ASPM: variants seen among roughly 807,000 people sequenced by gnomAD.
The protein encoded by ASPM is abnormal spindle-like microcephaly-associated protein.
ASPM carries 256 observed loss-of-function variants against 366.4 expected under a neutral mutation model. The observed-to-expected ratio is 0.70, with a 90% CI of 0.63 to 0.77. ASPM has a LOEUF of 0.77. Ranked by LOEUF, ASPM falls within the 30% of genes least tolerant of loss-of-function variation. The probability of loss-of-function intolerance (pLI) is 0.00; values close to 1 mark genes in which losing one functional copy is unlikely to be tolerated. For synonymous variants in ASPM, 1,414 were observed against 1,342.9 expected, an observed-to-expected ratio of 1.05 and a Z score of -1.16; for missense variants, 4,146 against 4,090.4, an observed-to-expected ratio of 1.01 and a Z score of -0.37.
At chr1:197,105,263 T>C in intron 17 of ASPM, 78 bp from the exon 18 acceptor site, 9 of 1,093,196 alleles carry the variant, frequency 8.2e-6, no homozygotes, top group African/African-American at 1.6e-5. Context: ...TACTAATTTT[T>C]CTAACATTCT....
chr1:197,119,695 A>C (rs1249428264), intron 16 of ASPM, among the ~76,000 whole-genome samples: 3 of 152,054 alleles, frequency 2.0e-5, no homozygotes, highest in Admixed American at 2.0e-4. Flanking sequence ...ATCTTGCCTC[A>C]TATATATAGG....
intron 7 of ASPM, among the ~76,000 whole-genome samples, chr1:197,131,983 T>C (rs1658268970): frequency 6.6e-6 from 1 of 152,214 alleles, no homozygotes; most frequent in Non-Finnish European, 1.5e-5. Context: ...GTTTTGGCAT[T>C]TGTAAATTTG....
In ASPM at chr1:197,104,474, C is replaced by T; in HGVS notation, c.4777G>A (p.Val1593Ile). ...KKTIIKFQAH[V>I]RKHQQRQKYK... is the part of the protein sequence containing the mutation. The stretch of plus-strand genomic sequence containing the variant: ...TTCTGTCGTTGTTGATGTTTTCTTA[C>T]ATGTGCCTGAAATTTGATAATAGTC... The change falls in exon 18 of 28, where the codon GTA (valine) becomes ATA (isoleucine). Residue 1593 changes from valine to isoleucine, a missense_variant. Physicochemically the swap from Val to Ile is conservative, Grantham distance 29 (BLOSUM62 3). Around this residue, in one of 3 missense-constraint regions of ASPM, gnomAD observed 3,624 missense variants for 3,591.7 expected, o/e 1.01. Coordinates refer to ENST00000367409, the MANE Select transcript of ASPM (RefSeq NM_018136.5). The T allele has an allele frequency of 1.2e-6, 2 of 1,612,716 alleles. No individual in the cohort carries two copies. Among genetic ancestry groups the T allele is most frequent in the Non-Finnish European group, 1.7e-6 (2 of 1,179,310 alleles).
rs758608775 is a variant in ASPM at position 197,124,091 on chromosome 1, A to G, written c.3390+19T>C. ...TTATTAAAATATATTGGGTTAAAAC[A>G]AAAAACAAAGAAACTTACCTTTTTA... On this transcript the variant is annotated intron_variant, in intron 13 of 27. Transcript: ENST00000367409. 2 of 1,588,636 alleles carry G rather than the reference A, an allele frequency of 1.3e-6. No homozygotes were observed.
At position 197,129,195 on chromosome 1, in the gene ASPM, C is replaced by T. The variant is rs142655430; in HGVS notation, c.2752G>A (p.Glu918Lys). 4 of 1,612,060 alleles carry T rather than the reference C, an allele frequency of 2.5e-6. No homozygotes were observed. The highest frequency in any genetic ancestry group is 3.4e-6 in the Non-Finnish European group (4 of 1,178,644). Reference sequence around the variant, plus strand: ...TACAATGAAAAGCATACCTTGAATTCGGCATCTTTACAGAAGAGACAAGGA... The same window carrying T: ...TACAATGAAAAGCATACCTTGAATTTGGCATCTTTACAGAAGAGACAAGGA... ...HDPCLFCKDA[E>K]FKASKEILLA... is the part of the protein sequence containing the mutation. Residue 918 changes from glutamate (E) to lysine (K), a missense_variant, in exon 9 of 28, where the codon GAA (glutamate) becomes AAA (lysine). Around this residue, in one of 3 missense-constraint regions of ASPM, gnomAD observed 3,624 missense variants for 3,591.7 expected, o/e 1.01. Transcript: ENST00000367409.
chr1:197,101,808 T>G lies in ASPM; in HGVS notation c.7443A>C (p.Gln2481His), dbSNP rs746554878. The change falls in exon 18 of 28, where the codon CAA becomes CAC. Residue 2481 changes from glutamine (Q) to histidine (H), a missense_variant. This residue lies in a region of ASPM where 3,624 missense variants were observed against 3,591.7 expected (regional missense o/e 1.01). Transcript: ENST00000367409. ...LMVKKKLQEMQRAAVLIQATF... is the reference protein window; with the variant it reads ...LMVKKKLQEMHRAAVLIQATF... Reference sequence around the variant, plus strand: ...TAGCCTGAATGAGAACTGCAGCCCTTTGCATTTCTTGTAACTTCTTCTTTA... The same window carrying G: ...TAGCCTGAATGAGAACTGCAGCCCTGTGCATTTCTTGTAACTTCTTCTTTA... 2 of 1,612,848 alleles carry G rather than the reference T, an allele frequency of 1.2e-6. No homozygotes were observed. The highest frequency in any genetic ancestry group is 1.7e-6 in the Non-Finnish European group (2 of 1,179,318).
rs1455043063 is a variant in ASPM at position 197,101,352 on chromosome 1, C to T, written c.7899G>A (p.Lys2633=). 4 of 1,610,554 alleles carry T rather than the reference C, an allele frequency of 2.5e-6. No individual in the cohort carries two copies. The East Asian group carries it at 6.7e-5, about 27-fold the overall frequency. Reference sequence around the variant, plus strand: ...TCCTTATTTTAAAGGCTTTACAATGCTTCTGAATAATAATGGCAGCCTGGT... The same window carrying T: ...TCCTTATTTTAAAGGCTTTACAATGTTTCTGAATAATAATGGCAGCCTGGT... ...EQHQAAIIIQ[K]HCKAFKIRKH... The change falls in exon 18 of 28, where the codon AAG becomes AAA. Residue 2633 remains lysine (K), a synonymous_variant. Coordinates refer to ENST00000367409, the MANE Select transcript of ASPM (RefSeq NM_018136.5).
At position 197,142,510 on chromosome 1, in the gene ASPM, A is replaced by G. The variant is rs757587073; in HGVS notation, c.1742T>C (p.Met581Thr). ...TGCAACTCTCACATTTGCATCTTCC[A>G]TGCTTCCATCGCTCTTTCTTTTCCG... ...VARKRKSDGS[M>T]EDANVRVAIT... Residue 581 changes from methionine to threonine, a missense_variant, in exon 3 of 28, where the codon ATG (methionine) becomes ACG (threonine). Transcript: ENST00000367409. The G allele has an allele frequency of 2.2e-5, 35 of 1,613,926 alleles. No homozygotes were observed. The South Asian group carries it at 3.1e-4, about 14-fold the overall frequency.
At chr1:197,086,471 G>A (rs944634625) in intron 27 of ASPM, among the ~76,000 whole-genome samples, 2 of 152,032 alleles carry the variant, frequency 1.3e-5, no homozygotes, top group Non-Finnish European at 2.9e-5. Flanking sequence ...AGGACTTTTG[G>A]CACTTCTTAA....
chr1:197,094,128 T>C lies in ASPM; in HGVS notation c.9040A>G (p.Ile3014Val). ...AIIIQRKWRA[I>V]LPAKIAHEHF... ...TCATGAGCTATCTTTGCAGGAAGTA[T>C]AGCTCTCCATTTTCTCTGAATGATA... is the stretch of plus-strand genomic sequence containing the variant. Residue 3014 changes from isoleucine (I) to valine (V), a missense_variant, in exon 20 of 28, where the codon ATA (isoleucine) becomes GTA (valine). Transcript: ENST00000367409. The C allele has an allele frequency of 6.2e-7, 1 of 1,607,842 alleles. No homozygotes were observed.
chr1:197,122,669 T>C (rs1255932609), intron 13 of ASPM, 74 bp from the exon 14 acceptor site: 2 of 1,366,488 alleles, frequency 1.5e-6, no homozygotes, highest in Non-Finnish European at 2.0e-6. Context: ...GCAGAATACC[T>C]GTGAATAATA....
chr1:197,146,299 A>G lies in ASPM; in HGVS notation c.139T>C (p.Ser47Pro). 1 of 1,613,968 alleles carries G rather than the reference A, an allele frequency of 6.2e-7. No individual in the cohort carries two copies. Among genetic ancestry groups the G allele is most frequent in the South Asian group, 1.1e-5 (1 of 91,072 alleles). ...ACGTCCCCGAAGCAAAGGAAAGGAG[A>G]CCTGCAGAAGTGGCTGAGAGACAGG... Reference protein sequence around the residue: ...PVLSLSHFCRSPFLCFGDVLL... With the variant: ...PVLSLSHFCRPPFLCFGDVLL... Residue 47 changes from serine (S) to proline (P), a missense_variant, in exon 1 of 28, where the codon TCT (serine) becomes CCT (proline). Physicochemically the swap from Ser to Pro is moderately conservative, Grantham distance 74. Coordinates refer to ENST00000367409, the MANE Select transcript of ASPM (RefSeq NM_018136.5).
rs775684281 is a variant in ASPM at position 197,133,531 on chromosome 1, AG to A, written c.2237del (p.Pro746LeufsTer17). On this transcript the variant is annotated frameshift_variant, in exon 6 of 28. Coordinates refer to ENST00000367409, the MANE Select transcript of ASPM (RefSeq NM_018136.5). LOFTEE classifies it high-confidence loss of function. ...NQHKISVPRA[P>X]TKEEMSLRAY... ...CTCTGAGAGACATTTCCTCTTTTGTAGGTGCTCTAGGAACACTTATTTTATG... is the reference window on the plus strand; with the variant it reads ...CTCTGAGAGACATTTCCTCTTTTGTAGTGCTCTAGGAACACTTATTTTATG... The A allele has an allele frequency of 6.2e-7, 1 of 1,613,786 alleles. No homozygotes were observed. The highest frequency in any genetic ancestry group is 8.5e-7 in the Non-Finnish European group (1 of 1,179,806).
At chr1:197,088,097 T>C (rs1656655512) in intron 26 of ASPM, 159 bp downstream of exon 26, 3 of 705,216 alleles carry the variant, frequency 4.3e-6, no homozygotes, top group South Asian at 3.8e-5. Flanking sequence ...AAACAACTCA[T>C]AGATACATCC....
intron 4 of ASPM, among the ~76,000 whole-genome samples, chr1:197,137,490 T>C (rs1278524552): frequency 6.6e-6 from 1 of 152,184 alleles, no homozygotes; most frequent in Non-Finnish European, 1.5e-5. Context: ...TGGTGGCTCA[T>C]ACCAGGTGTA....
Position 197,088,408 on chromosome 1 carries a change from A to G in ASPM, c.10009T>C (p.Tyr3337His). ...SKYEKTTSAV[Y>H]DVENCIDILL... ...ATATCTATACAATTTTCTACATCAT[A>G]AACTGCTGAAGTAGTTTTCTCATAC... Residue 3337 changes from tyrosine to histidine, a missense_variant, in exon 26 of 28, where the codon TAT (tyrosine) becomes CAT (histidine). Transcript: ENST00000367409. 6.2e-7 allele frequency: 1 copy of G among 1,606,554 alleles called. No individual in the cohort carries two copies. The highest frequency in any genetic ancestry group is 8.5e-7 in the Non-Finnish European group (1 of 1,174,414).
rs1204696178 is a variant in ASPM at position 197,122,589 on chromosome 1, T to A, written c.3397A>T (p.Asn1133Tyr). Residue 1133 changes from asparagine to tyrosine, a missense_variant, in exon 14 of 28, where the codon AAT (asparagine) becomes TAT (tyrosine). By Grantham distance (143) the Asn-to-Tyr change is moderately radical (BLOSUM62 -2). Transcript: ENST00000367409. Reference sequence around the variant, plus strand: ...CCGTCTGAGAAAGACACTGTAAAATTCTCCACCTGATTGAAAATGCCAGAA... The same window carrying A: ...CCGTCTGAGAAAGACACTGTAAAATACTCCACCTGATTGAAAATGCCAGAA... The part of the protein sequence containing the change: ...VCAFYNKKVE[N>Y]FTVSFSDGRV... The A allele has an allele frequency of 6.2e-7, 1 of 1,603,982 alleles. No individual in the cohort carries two copies. The highest frequency in any genetic ancestry group is 1.3e-5 in the African/African-American group (1 of 74,824).
chr1:197,122,364 G>C, intron 14 of ASPM, 24 bp downstream of exon 14: 1 of 1,613,502 alleles, frequency 6.2e-7, no homozygotes, highest in Admixed American at 1.7e-5. Flanking sequence ...CAAAAAATTG[G>C]AAAAGTAACC....
chr1:197,144,627 G>C (rs896612142), intron 1 of ASPM, among the ~76,000 whole-genome samples: 1 of 152,108 alleles, frequency 6.6e-6, no homozygotes, highest in African/African-American at 2.4e-5. Context: ...ACATCCCTAG[G>C]AAGCAGGTAT....
Sources: gnomAD v4.1 joint callset for allele counts (sites outside exome capture counted in the v4.1 genomes callset) on GRCh38, gnomAD v4.1.1 for gene constraint, gnomAD v4.1.1 regional missense constraint, MANE v1.5 for transcripts, NCBI Gene and HGNC (gene_info 2026-07-23, HGNC 2026-07-21) for gene names.